HEATR5A: variants seen among roughly 807,000 people sequenced by gnomAD.
HEATR5A encodes the protein HEAT repeat-containing protein 5A.
HEATR5A carries 178 observed loss-of-function variants against 218.8 expected under a neutral mutation model. That is an observed-to-expected ratio of 0.81 (90% CI 0.72 to 0.92). The LOEUF (loss-of-function observed/expected upper bound fraction) is 0.92. HEATR5A is among the 40% of genes least tolerant of loss of function. HEATR5A has a pLI of 0.00. For synonymous variants in HEATR5A, 864 were observed against 871.6 expected, an observed-to-expected ratio of 0.99 and a Z score of 0.15; for missense variants, 2,420 against 2,418.9, an observed-to-expected ratio of 1.00 and a Z score of -0.01.
intron 16 of HEATR5A, among the ~76,000 whole-genome samples, chr14:31,351,572 G>A (rs1214511612): frequency 6.6e-6 from 1 of 151,212 alleles, no homozygotes; most frequent in Non-Finnish European, 1.5e-5. Flanking sequence ...AATGAAAAAA[G>A]CAAGAGTTAA....
chr14:31,311,687 A>G (rs1384941077), intron 28 of HEATR5A, among the ~76,000 whole-genome samples: 1 of 152,114 alleles, frequency 6.6e-6, no homozygotes, highest in African/African-American at 2.4e-5. Flanking sequence ...ATATATATAA[A>G]AAAGATTAAA....
intron 11 of HEATR5A, 64 bp from the exon 12 acceptor site, chr14:31,375,032 T>C (rs934411111): frequency 3.8e-6 from 5 of 1,326,474 alleles, no homozygotes; most frequent in African/African-American, 3.0e-5. Context: ...AAAACTCTAT[T>C]ATTAAGCAGC....
Position 31,305,080 on chromosome 14 carries a change from T to G in HEATR5A, c.5064A>C (p.Thr1688=), listed in dbSNP as rs759735806. ...CTAGAATGCATACACACAATTCCAG[T>G]GTTGCAAAGACCAAAGACTTTCCAG... ...LVPGKSLVFA[T]LELCVCILVR... is the part of the protein sequence containing the mutation. The change falls in exon 32 of 36, where the codon ACA becomes ACC. Residue 1688 remains threonine, a synonymous_variant. Coordinates refer to ENST00000543095, the MANE Select transcript of HEATR5A (RefSeq NM_015473.4). The G allele has an allele frequency of 6.2e-7, 1 of 1,613,838 alleles. No individual in the cohort carries two copies. Among genetic ancestry groups the G allele is most frequent in the Non-Finnish European group, 8.5e-7 (1 of 1,179,876 alleles).
intron 31 of HEATR5A, 100 bp downstream of exon 31, chr14:31,306,632 C>T: frequency 8.2e-7 from 1 of 1,224,266 alleles, no homozygotes; most frequent in East Asian, 2.6e-5. Flanking sequence ...TTATTTGTAC[C>T]ACACACAAAA....
At chr14:31,304,456 T>C (rs889921048) in intron 32 of HEATR5A, among the ~76,000 whole-genome samples, 2 of 152,138 alleles carry the variant, frequency 1.3e-5, no homozygotes, top group African/African-American at 4.8e-5. Context: ...TCACTCTTGT[T>C]GCCCAGGCTG....
intron 21 of HEATR5A, among the ~76,000 whole-genome samples, chr14:31,338,369 CTA>C (rs1655527113): frequency 6.6e-6 from 1 of 152,076 alleles, no homozygotes; most frequent in African/African-American, 2.4e-5. Flanking sequence ...AAAATGCTCT[CTA>C]GAGACAAGCA....
intron 6 of HEATR5A, among the ~76,000 whole-genome samples, chr14:31,392,941 T>C (rs956605474): frequency 6.6e-6 from 1 of 152,202 alleles, no homozygotes; most frequent in East Asian, 1.9e-4. Context: ...TAAGCTGTGA[T>C]TGCACTACTG....
chr14:31,397,658 CAAAAA>C (rs537734132), intron 4 of HEATR5A, among the ~76,000 whole-genome samples: 1 of 75,736 alleles, frequency 1.3e-5, no homozygotes, highest in Non-Finnish European at 3.0e-5. Context: ...GACTCCGTCT[CAAAAA>C]AAAAAAAAAA....
rs1434656825 is a variant in HEATR5A at position 31,394,192 on chromosome 14, A to G, written c.632T>C (p.Met211Thr). The G allele has an allele frequency of 6.6e-7, 1 of 1,504,930 alleles. No individual in the cohort carries two copies. The highest frequency in any genetic ancestry group is 1.4e-5 in the African/African-American group (1 of 71,468). 93.2% of individuals were successfully genotyped at this position (1,504,930 alleles called of 1,614,324 possible). The change falls in exon 6 of 36, where the codon ATG becomes ACG. Residue 211 changes from methionine (M) to threonine (T), a missense_variant. Transcript: ENST00000543095. Reference protein sequence around the residue: ...LLELQNEAIFMWSTDLDSVAT... With the variant: ...LLELQNEAIFTWSTDLDSVAT... ...CACACTGTCCAGGTCCGTACTCCAC[A>G]TAAAGATGGCTTCATTCTGAAGTTC...
intron 13 of HEATR5A, among the ~76,000 whole-genome samples, chr14:31,364,622 T>A (rs1223126553): frequency 6.6e-6 from 1 of 152,008 alleles, no homozygotes; most frequent in African/African-American, 2.4e-5. Context: ...ATGGGTTTCG[T>A]CATGTTGCCC....
At chr14:31,367,569 AT>A (rs567217496) in intron 13 of HEATR5A, among the ~76,000 whole-genome samples, 29 of 60,316 alleles carry the variant, frequency 4.8e-4, no homozygotes, top group African/African-American at 1.6e-3. Context: ...TGCCCAGCTA[AT>A]TTTTTTTTTT....
At chr14:31,326,754 T>C (rs1053382656) in intron 22 of HEATR5A, among the ~76,000 whole-genome samples, 16 of 152,118 alleles carry the variant, frequency 1.1e-4, no homozygotes, top group African/African-American at 2.7e-4. Flanking sequence ...GCAATTCTCC[T>C]GCCTCAGCCT....
At chr14:31,325,602 G>A (rs561133236) in intron 23 of HEATR5A, among the ~76,000 whole-genome samples, 1 of 151,756 alleles carries the variant, frequency 6.6e-6, no homozygotes, top group Admixed American at 6.6e-5. Flanking sequence ...TCTGCCTCTC[G>A]GGCTCAAGCA....
chr14:31,325,332 G>A (rs1435363139), intron 23 of HEATR5A, among the ~76,000 whole-genome samples: 1 of 151,988 alleles, frequency 6.6e-6, no homozygotes, highest in Non-Finnish European at 1.5e-5. Context: ...AAAGACATTA[G>A]GGTAATAACA....
rs372653413 is a variant in HEATR5A, at chr14:31,302,357, C to T, written c.5402G>A (p.Arg1801His). The change falls in exon 33 of 36, where the codon CGT (arginine) becomes CAT (histidine). Residue 1801 changes from arginine (R) to histidine (H), a missense_variant. Coordinates refer to ENST00000543095, the MANE Select transcript of HEATR5A (RefSeq NM_015473.4). ...TCGGAGAAGGTCAGTCCAAGCAGTA[C>T]GGCTCTTTTCTGCCCGGGCCATGGG... ...SSPMARAEKSRTAWTDLLRSA... is the reference protein window; with the variant it reads ...SSPMARAEKSHTAWTDLLRSA... 1.8e-4 allele frequency: 287 copies of T among 1,604,740 alleles called. No homozygotes were observed. The African/African-American group carries it at 2.3e-3, about 13-fold the overall frequency.
intron 28 of HEATR5A, among the ~76,000 whole-genome samples, chr14:31,311,579 T>C (rs1899754266): frequency 1.3e-5 from 2 of 152,164 alleles, no homozygotes; most frequent in Admixed American, 1.3e-4. Context: ...ACCCAGCTTA[T>C]ATTAGTTTAA....
chr14:31,301,280 G>A (rs1899362759), intron 33 of HEATR5A, among the ~76,000 whole-genome samples: 1 of 152,058 alleles, frequency 6.6e-6, no homozygotes, highest in Admixed American at 6.6e-5. Flanking sequence ...TTCTGAGATG[G>A]AGTCTCGCTT....
chr14:31,300,295 CT>C (rs367648392), intron 33 of HEATR5A, among the ~76,000 whole-genome samples: 40 of 147,240 alleles, frequency 2.7e-4, no homozygotes, highest in Non-Finnish European at 4.8e-4. Flanking sequence ...TTCTTTTTTT[CT>C]TTTTTTTTTG....
chr14:31,381,742 C>T (rs1167655239), intron 10 of HEATR5A, among the ~76,000 whole-genome samples: 2 of 151,976 alleles, frequency 1.3e-5, no homozygotes, highest in Non-Finnish European at 2.9e-5. Context: ...TCTATGATCT[C>T]GCCACTGCAC....
Sources: allele counts gnomAD v4.1 joint callset (sites outside exome capture counted in the v4.1 genomes callset), GRCh38; gene constraint gnomAD v4.1.1; transcripts MANE v1.5; gene names NCBI Gene and HGNC (gene_info 2026-07-23, HGNC 2026-07-21).